Variants in LMAN2 observed in about 807,000 individuals in gnomAD.
LMAN2 encodes the protein vesicular integral-membrane protein VIP36.
A neutral mutation model predicts 39.3 loss-of-function variants in LMAN2; 22 were observed. That is an observed-to-expected ratio of 0.56 (90% CI 0.40 to 0.80). The LOEUF is 0.80. Among genes scored for constraint, LMAN2 ranks in the 30% least tolerant of loss-of-function variants. The pLI is 0.00. For missense variants in LMAN2, 494 were observed against 505.4 expected, an observed-to-expected ratio of 0.98 and a Z score of 0.22; for synonymous variants, 207 against 207.8, an observed-to-expected ratio of 1.00 and a Z score of 0.03.
Position 177,338,223 on chromosome 5 carries a change from G to A in LMAN2, c.433+265C>T, listed in dbSNP as rs190087017. On this transcript the variant is annotated intron_variant, in intron 3 of 7. Coordinates refer to ENST00000303127, the MANE Select transcript of LMAN2 (RefSeq NM_006816.3). ...TTTTGGCTTTTTTACAACAATAACT[G>A]TTTAAAATGGTAAAACCAGGCCAAT... 4.6e-5 allele frequency among the ~76,000 whole-genome samples: 7 copies of A among 152,310 alleles called. No homozygotes were observed. In the East Asian group the frequency reaches 9.6e-4, roughly 21 times the overall value.
intron 6 of LMAN2, among the ~76,000 whole-genome samples, chr5:177,335,741 G>A (rs1194476456): frequency 5.9e-5 from 9 of 152,176 alleles, no homozygotes; most frequent in African/African-American, 7.2e-5. Flanking sequence ...GGGTCTGAGC[G>A]GACCCAAGCA....
intron 6 of LMAN2, 185 bp from the exon 7 acceptor site, chr5:177,334,588 A>G: frequency 1.5e-6 from 1 of 661,230 alleles, no homozygotes; most frequent in East Asian, 3.2e-5. Context: ...GCAATAAAAA[A>G]GAGAGGAGGC....
At position 177,351,290 on chromosome 5, in the gene LMAN2, C is replaced by A. The variant is rs759853710; in HGVS notation, c.198G>T (p.Gly66=). 1 of 1,613,706 alleles carries A rather than the reference C, an allele frequency of 6.2e-7. No homozygotes were observed. Among genetic ancestry groups the A allele is most frequent in the Non-Finnish European group, 8.5e-7 (1 of 1,180,028 alleles). The change falls in exon 2 of 8, where the codon GGG becomes GGT. Residue 66 remains glycine, a splice_region_variant and synonymous_variant. Coordinates refer to ENST00000303127, the MANE Select transcript of LMAN2 (RefSeq NM_006816.3). ...REHSLIKPYQ[G]VGSSSMPLWD... Reference sequence around the variant, plus strand: ...AGAGGGGCATAGAGCTGGAACCGACCCCTGTGGGAAGAGACAGGTGCTAAG... The same window carrying A: ...AGAGGGGCATAGAGCTGGAACCGACACCTGTGGGAAGAGACAGGTGCTAAG...
intron 1 of LMAN2, 54 bp downstream of exon 1, chr5:177,351,398 G>T (rs1761721689): frequency 1.9e-6 from 3 of 1,605,618 alleles, no homozygotes; most frequent in Non-Finnish European, 2.6e-6. Flanking sequence ...CCTTCCCCTA[G>T]CCCTGTTCAG....
chr5:177,334,581 A>G (rs931715715), intron 6 of LMAN2, 178 bp from the exon 7 acceptor site: 31 of 715,370 alleles, frequency 4.3e-5, no homozygotes, highest in Non-Finnish European at 4.1e-5. Context: ...GTCACCAGCA[A>G]TAAAAAAGAG....
rs1394847905 is a variant in LMAN2 at position 177,332,175 on chromosome 5, G to A, written c.982C>T (p.Leu328=). 3 of 1,613,210 alleles carry A rather than the reference G, an allele frequency of 1.9e-6. No individual in the cohort carries two copies. Among genetic ancestry groups the A allele is most frequent in the Non-Finnish European group, 2.5e-6 (3 of 1,179,726 alleles). Residue 328 remains leucine, a synonymous_variant, in exon 8 of 8, where the codon CTG becomes TTG. Coordinates refer to ENST00000303127, the MANE Select transcript of LMAN2 (RefSeq NM_006816.3). This position sits in a 1 kb window ranked among gnomAD's most constrained non-coding sequence, Gnocchi z 6.3. ...ACAACGATGCCCAGGAGAGCGCACA[G>A]CAGCAGCAGGAACACCCGCCACCCC... The part of the protein sequence containing the change: ...LTGWRVFLLL[L]CALLGIVVCA...
intron 2 of LMAN2, among the ~76,000 whole-genome samples, chr5:177,349,682 C>T (rs1009476872): frequency 2.0e-5 from 3 of 152,226 alleles, no homozygotes; most frequent in African/African-American, 4.8e-5. Context: ...AGTTCCAGCA[C>T]TGTTTGCACC....
At chr5:177,343,564 G>GACACAC (rs368470169) in intron 2 of LMAN2, among the ~76,000 whole-genome samples, 39 of 84,684 alleles carry the variant, frequency 4.6e-4, no homozygotes, top group Admixed American at 1.4e-3. Context: ...ATGTGGTCTA[G>GACACAC]ACACACACAC....
intron 7 of LMAN2, among the ~76,000 whole-genome samples, chr5:177,333,510 A>G (rs1213754487): frequency 6.6e-6 from 1 of 152,192 alleles, no homozygotes; most frequent in Non-Finnish European, 1.5e-5. Flanking sequence ...TAAAAAGTGA[A>G]CTGTCACATA....
intron 2 of LMAN2, among the ~76,000 whole-genome samples, chr5:177,345,387 A>G (rs1165238018): frequency 4.7e-5 from 7 of 149,700 alleles, no homozygotes; most frequent in African/African-American, 1.7e-4. Flanking sequence ...GTCAATGTGT[A>G]GCCTACTGAA....
intron 3 of LMAN2, among the ~76,000 whole-genome samples, chr5:177,338,040 G>A (rs941432106): frequency 1.3e-5 from 2 of 151,998 alleles, no homozygotes; most frequent in Non-Finnish European, 2.9e-5. Context: ...AGGTGTCAAG[G>A]GGGTACCTGG....
intron 2 of LMAN2, among the ~76,000 whole-genome samples, chr5:177,340,937 A>C (rs563200012): frequency 5.9e-5 from 9 of 151,394 alleles, no homozygotes; most frequent in African/African-American, 2.2e-4. Flanking sequence ...TTGTATTTTT[A>C]GTAGAGACAG....
chr5:177,339,103 G>A lies in LMAN2; in HGVS notation c.316-498C>T, dbSNP rs147793275. 3.4e-3 allele frequency among the ~76,000 whole-genome samples: 521 copies of A among 152,318 alleles called. 3 individuals carry two copies. Among genetic ancestry groups the A allele is most frequent in the African/African-American group, 0.012 (485 of 41,574 alleles). Reference sequence around the variant, plus strand: ...CTCACGCGCAGGGCTTTCTGACTCCGAGAGCTCTGCTCAGCGGACTGTCTG... The same window carrying A: ...CTCACGCGCAGGGCTTTCTGACTCCAAGAGCTCTGCTCAGCGGACTGTCTG... On this transcript the variant is annotated intron_variant, in intron 2 of 7. Transcript: ENST00000303127.
intron 2 of LMAN2, among the ~76,000 whole-genome samples, chr5:177,346,960 T>C (rs975918616): frequency 3.3e-5 from 5 of 152,026 alleles, no homozygotes; most frequent in African/African-American, 1.2e-4. Context: ...CTAAAGAACC[T>C]ACGTGGCACA....
At chr5:177,334,570 A>C (rs1761442251) in intron 6 of LMAN2, 167 bp from the exon 7 acceptor site, 8 of 774,602 alleles carry the variant, frequency 1.0e-5, no homozygotes, top group East Asian at 3.0e-5. Flanking sequence ...AGCTCCCTCC[A>C]GTCACCAGCA....
chr5:177,343,133 T>C (rs1265043888), intron 2 of LMAN2, among the ~76,000 whole-genome samples: 2 of 152,160 alleles, frequency 1.3e-5, no homozygotes, highest in East Asian at 1.9e-4. Flanking sequence ...CAGGCACCTG[T>C]AGTCCCAGCT....
intron 2 of LMAN2, among the ~76,000 whole-genome samples, chr5:177,348,565 G>A (rs529659068): frequency 2.0e-5 from 3 of 152,026 alleles, no homozygotes; most frequent in Admixed American, 2.0e-4. Context: ...GTGCGCGCCT[G>A]TAATCCCAGC....
At chr5:177,346,457 T>G in intron 2 of LMAN2, 19 of 304,238 alleles carry the variant, frequency 6.2e-5, no homozygotes, top group Non-Finnish European at 9.4e-5. Context: ...GATTACCGGT[T>G]GTTGTTTTTT....
At chr5:177,347,021 T>C (rs1761647110) in intron 2 of LMAN2, among the ~76,000 whole-genome samples, 2 of 152,062 alleles carry the variant, frequency 1.3e-5, no homozygotes, top group South Asian at 4.1e-4. Context: ...ACAGAACGCG[T>C]CCAAAAAATC....
Sources: gnomAD v4.1 joint callset for allele counts (sites outside exome capture counted in the v4.1 genomes callset) on GRCh38, gnomAD v4.1.1 for gene constraint, Gnocchi (gnomAD v3.1) non-coding constraint, MANE v1.5 for transcripts, NCBI Gene and HGNC (gene_info 2026-07-23, HGNC 2026-07-21) for gene names.